Variants in AFDN observed in about 807,000 individuals in gnomAD.
AFDN encodes afadin.
Under a neutral mutation model 216.6 loss-of-function variants are expected in AFDN, and 68 were observed. The observed-to-expected ratio is 0.31, with a 90% CI of 0.26 to 0.38. The LOEUF is 0.38. AFDN is among the 10% of genes least tolerant of loss of function. The pLI, the probability that AFDN is intolerant of heterozygous loss-of-function variation, is 1.00. For missense variants in AFDN, 2,136 were observed against 2,342.0 expected, an observed-to-expected ratio of 0.91 and a Z score of 1.82; for synonymous variants, 868 against 853.7, an observed-to-expected ratio of 1.02 and a Z score of -0.29.
chr6:167,905,908 A>G (rs953727260), intron 12 of AFDN, among the ~76,000 whole-genome samples: 4 of 152,200 alleles, frequency 2.6e-5, no homozygotes, highest in African/African-American at 7.2e-5. Flanking sequence ...GATCGAGACC[A>G]TCCTGGCTAA....
chr6:167,834,104 A>T (rs1048567446), intron 1 of AFDN, among the ~76,000 whole-genome samples: 5 of 151,956 alleles, frequency 3.3e-5, no homozygotes, highest in South Asian at 2.1e-4. Context: ...ATTTTTTTTT[A>T]AATTTTTTAT....
intron 1 of AFDN, among the ~76,000 whole-genome samples, chr6:167,843,178 C>G (rs1781265842): frequency 6.6e-6 from 1 of 152,180 alleles, no homozygotes; most frequent in Non-Finnish European, 1.5e-5. Context: ...ACATCGTAAA[C>G]TTGATTGGTC....
In AFDN at chr6:167,952,194, G is replaced by A. The variant is rs180865256; in HGVS notation, c.4833+7G>A. The A allele has an allele frequency of 1.9e-6, 3 of 1,613,918 alleles. No individual in the cohort carries two copies. The highest frequency in any genetic ancestry group is 1.7e-5 in the Admixed American group (1 of 60,002). ...GGCTGAACGAAGAGCGAGGGTAAAG[G>A]GGGGAGTGCTTTGGCTGTGCCCATC... On this transcript the variant is annotated splice_region_variant and intron_variant, in intron 30 of 33. Transcript: ENST00000683244.
At position 167,880,394 on chromosome 6, in the gene AFDN, A is replaced by G. The variant is rs138458834; in HGVS notation, c.774A>G (p.Lys258=). 19 of 1,613,298 alleles carry G rather than the reference A, an allele frequency of 1.2e-5. No homozygotes were observed. The African/African-American group carries it at 1.9e-4, about 16-fold the overall frequency. Residue 258 remains lysine, a synonymous_variant, in exon 6 of 34, where the codon AAA becomes AAG. Transcript: ENST00000683244. ...GTLRIYADSL[K]PNIPYKTILL... The stretch of plus-strand genomic sequence containing the variant: ...TGAGAATTTATGCAGATAGTTTAAA[A>G]CCAAATATTCCCTACAAGACAATCC...
In AFDN at chr6:167,969,883, T is replaced by C. The variant is rs367734070; in HGVS notation, c.5444T>C (p.Val1815Ala). Residue 1815 changes from valine to alanine, a missense_variant, in exon 34 of 34, where the codon GTG (valine) becomes GCG (alanine). Physicochemically the swap from Val to Ala is moderately conservative, Grantham distance 64. Around this residue, in one of 8 missense-constraint regions of AFDN, gnomAD observed 981 missense variants for 966.0 expected, o/e 1.02. Transcript: ENST00000683244. ...CAAGGTCAAGATGTATCCAATAAAG[T>C]GAAAGCTTCTCGTAAATTAACAGAA... ...FSQGQDVSNK[V>A]KASRKLTELE... 2 of 1,612,186 alleles carry C rather than the reference T, an allele frequency of 1.2e-6. No homozygotes were observed. The highest frequency in any genetic ancestry group is 1.3e-5 in the African/African-American group (1 of 74,804).
chr6:167,868,942 C>CT (rs74549296), intron 2 of AFDN, among the ~76,000 whole-genome samples: 132 of 144,462 alleles, frequency 9.1e-4, no homozygotes, highest in Admixed American at 6.9e-4. Flanking sequence ...TCTTCTTCTT[C>CT]TTTTTTTTTT....
At chr6:167,880,220 A>T in intron 5 of AFDN, 140 bp from the exon 6 acceptor site, 1 of 717,698 alleles carries the variant, frequency 1.4e-6, no homozygotes, top group Non-Finnish European at 2.3e-6. Context: ...GAAATGAAAC[A>T]ATAGTTATTA....
chr6:167,888,716 G>T (rs1048517994), intron 6 of AFDN, among the ~76,000 whole-genome samples: 3 of 152,156 alleles, frequency 2.0e-5, no homozygotes, highest in Admixed American at 6.5e-5. Flanking sequence ...TATTTAAATG[G>T]TCTGATTAAA....
intron 15 of AFDN, among the ~76,000 whole-genome samples, chr6:167,912,405 AG>A (rs1037178920): frequency 9.9e-5 from 15 of 152,232 alleles, no homozygotes; most frequent in African/African-American, 3.6e-4. Flanking sequence ...GGATCATTTG[AG>A]GGAAACTAAG....
intron 13 of AFDN, 36 bp downstream of exon 13, chr6:167,907,325 T>C (rs758065398): frequency 6.7e-7 from 1 of 1,495,198 alleles, no homozygotes; most frequent in South Asian, 1.1e-5. Context: ...GTGAAAGTAC[T>C]GAAAGTATTC....
rs767496811 is a variant in AFDN, at chr6:167,943,436, G to T, written c.3200G>T (p.Ser1067Ile). 1.9e-6 allele frequency: 3 copies of T among 1,614,100 alleles called. No individual in the cohort carries two copies. The highest frequency in any genetic ancestry group is 3.3e-5 in the Admixed American group (2 of 60,010). ...CTAGCTGCAGGTGATCAGCTCCTCA[G>T]TGTGGATGGACGAAGTCTGGTTGGA... The part of the protein sequence containing the change: ...GRLAAGDQLL[S>I]VDGRSLVGLS... Residue 1067 changes from serine (S) to isoleucine (I), a missense_variant, in exon 25 of 34, where the codon AGT becomes ATT. This residue lies in a region of AFDN where 74 missense variants were observed against 98.8 expected (regional missense o/e 0.75). Coordinates refer to ENST00000683244, the MANE Select transcript of AFDN (RefSeq NM_001386888.1).
intron 26 of AFDN, among the ~76,000 whole-genome samples, chr6:167,945,577 A>G (rs964210582): frequency 5.3e-5 from 8 of 152,206 alleles, no homozygotes; most frequent in African/African-American, 1.9e-4. Context: ...CACGACCACA[A>G]ACACGAGGAA....
intron 30 of AFDN, among the ~76,000 whole-genome samples, chr6:167,960,136 C>T (rs1796895725): frequency 6.6e-6 from 1 of 152,082 alleles, no homozygotes; most frequent in Admixed American, 6.5e-5. Context: ...CTCATTAATG[C>T]TTTGTGAATG....
Position 167,966,901 on chromosome 6 carries a change from C to T in AFDN, c.5257+856C>T, listed in dbSNP as rs76655823. ...TCTCATCCCCTTTTCCTCTAACTGGCTTCACTCCTTCCTGTTACTTGCACT... is the reference window on the plus strand; with the variant it reads ...TCTCATCCCCTTTTCCTCTAACTGGTTTCACTCCTTCCTGTTACTTGCACT... On this transcript the variant is annotated intron_variant, in intron 32 of 33. Transcript: ENST00000683244. 2.6e-4 allele frequency among the ~76,000 whole-genome samples: 40 copies of T among 152,254 alleles called. No individual in the cohort carries two copies. In the East Asian group the frequency reaches 7.0e-3, roughly 26 times the overall value.
At chr6:167,956,125 A>AAAAC (rs1796486259) in intron 30 of AFDN, among the ~76,000 whole-genome samples, 1 of 150,570 alleles carries the variant, frequency 6.6e-6, no homozygotes, top group Admixed American at 6.6e-5. Flanking sequence ...AAAAAAAAAA[A>AAAAC]AAAAAAAAAA....
At chr6:167,862,202 G>T (rs1198071214) in intron 1 of AFDN, among the ~76,000 whole-genome samples, 1 of 152,124 alleles carries the variant, frequency 6.6e-6, no homozygotes, top group East Asian at 1.9e-4. Context: ...AAGAGGTACA[G>T]CCAGCAGATG....
intron 12 of AFDN, 53 bp downstream of exon 12, chr6:167,902,439 G>T (rs1257162695): frequency 2.3e-6 from 3 of 1,290,026 alleles, no homozygotes; most frequent in Non-Finnish European, 2.3e-6. Context: ...GGACACCATG[G>T]ATGAATACAG....
intron 21 of AFDN, 34 bp from the exon 22 acceptor site, chr6:167,922,822 T>G (rs752773193): frequency 2.1e-6 from 3 of 1,422,892 alleles, no homozygotes; most frequent in Non-Finnish European, 3.0e-6. Flanking sequence ...CAAGATGTGC[T>G]TTTTCACTTA....
intron 21 of AFDN, among the ~76,000 whole-genome samples, chr6:167,919,168 G>C (rs906246815): frequency 1.3e-5 from 2 of 152,236 alleles, no homozygotes; most frequent in Non-Finnish European, 2.9e-5. Context: ...TCTGCTCTGC[G>C]CACTTGATGT....
Sources: allele counts gnomAD v4.1 joint callset (sites outside exome capture counted in the v4.1 genomes callset), GRCh38; gene constraint gnomAD v4.1.1; regional missense constraint gnomAD v4.1.1; transcripts MANE v1.5; gene names NCBI Gene and HGNC (gene_info 2026-07-23, HGNC 2026-07-21).